The following MARCHF8 variants were observed in gnomAD, a reference collection of about 807,000 sequenced individuals.
MARCHF8 encodes E3 ubiquitin-protein ligase MARCHF8.
A neutral mutation model predicts 51.6 loss-of-function variants in MARCHF8; 40 were observed. That is an observed-to-expected ratio of 0.77 (90% CI 0.60 to 1.01). The LOEUF (loss-of-function observed/expected upper bound fraction) is 1.01. Among genes scored for constraint, MARCHF8 ranks in the 50% least tolerant of loss-of-function variants. The probability of loss-of-function intolerance (pLI) is 0.00; values close to 1 mark genes in which losing one functional copy is unlikely to be tolerated. For missense variants in MARCHF8, 685 were observed against 708.6 expected (o/e 0.97, Z 0.38); for synonymous variants, 263 against 280.3 (o/e 0.94, Z 0.62).
intron 1 of MARCHF8, among the ~76,000 whole-genome samples, chr10:45,550,028 C>CA (rs1165951960): frequency 6.6e-6 from 1 of 152,186 alleles, no homozygotes; most frequent in Non-Finnish European, 1.5e-5. Context: ...TGCAAACAGG[C>CA]AGAGCTGGGA....
chr10:45,462,521 T>C (rs544007998), intron 5 of MARCHF8, among the ~76,000 whole-genome samples: 1 of 152,310 alleles, frequency 6.6e-6, no homozygotes, highest in Admixed American at 6.5e-5. Context: ...CTGAAGATAC[T>C]AGTTTCTTTC....
intron 2 of MARCHF8, among the ~76,000 whole-genome samples, chr10:45,500,958 T>C (rs904699094): frequency 1.3e-5 from 2 of 151,876 alleles, no homozygotes; most frequent in African/African-American, 2.4e-5. Flanking sequence ...CTGAAGTATT[T>C]AGGTGCACAT....
chr10:45,581,648 G>A (rs1033038487), intron 1 of MARCHF8, among the ~76,000 whole-genome samples: 22 of 152,118 alleles, frequency 1.4e-4, no homozygotes, highest in African/African-American at 5.3e-4. Flanking sequence ...TGCCCAGACT[G>A]GTAAACATCT....
chr10:45,537,390 C>T (rs377303819), upstream of MARCHF8, among the ~76,000 whole-genome samples: 12 of 152,146 alleles, frequency 7.9e-5, no homozygotes, highest in African/African-American at 9.7e-5. Flanking sequence ...TGGTGGTTCG[C>T]GCCTATAACA....
chr10:45,488,260 T>G (rs1359004473), intron 3 of MARCHF8, among the ~76,000 whole-genome samples: 1 of 152,116 alleles, frequency 6.6e-6, no homozygotes, highest in African/African-American at 2.4e-5. Flanking sequence ...TAAGCAGATT[T>G]CAGGCGGCCA....
rs1337434916 is a variant in MARCHF8 at position 45,461,302 on chromosome 10, A to G, written c.1198T>C (p.Ser400Pro). ...CAGAGCTCGCAGCAGCGCGTGTCGGAGCTCTTGATCCACTGCTGCAGGCAG... is the reference window on the plus strand; with the variant it reads ...CAGAGCTCGCAGCAGCGCGTGTCGGGGCTCTTGATCCACTGCTGCAGGCAG... ...QACLQQWIKS[S>P]DTRCCELCKY... Residue 400 changes from serine to proline, a missense_variant, in exon 6 of 8, where the codon TCC (serine) becomes CCC (proline). Coordinates refer to ENST00000453424, the MANE Select transcript of MARCHF8 (RefSeq NM_001282866.2). 1 of 1,605,452 alleles carries G rather than the reference A, an allele frequency of 6.2e-7. No individual in the cohort carries two copies. Among genetic ancestry groups the G allele is most frequent in the Non-Finnish European group, 8.5e-7 (1 of 1,176,452 alleles).
At chr10:45,589,363 T>G (rs1054360308) in intron 1 of MARCHF8, among the ~76,000 whole-genome samples, 1 of 152,194 alleles carries the variant, frequency 6.6e-6, no homozygotes. Context: ...CCCTACCACC[T>G]AGGATTCTCC....
chr10:45,593,704 T>C (rs2133454264), intron 1 of MARCHF8: 1 of 152,292 alleles, frequency 6.6e-6, no homozygotes, highest in Middle Eastern at 3.4e-3. Flanking sequence ...CAAGGAAACA[T>C]GGAAAGAGAA....
chr10:45,461,456 C>A (rs1334966201), intron 5 of MARCHF8, 45 bp from the exon 6 acceptor site: 1 of 1,439,608 alleles, frequency 6.9e-7, no homozygotes, highest in Non-Finnish European at 9.2e-7. Flanking sequence ...AGTCCCATGA[C>A]AGGGAAGCTG....
chr10:45,543,494 T>C (rs1178276012), intron 1 of MARCHF8, among the ~76,000 whole-genome samples: 1 of 152,160 alleles, frequency 6.6e-6, no homozygotes, highest in Non-Finnish European at 1.5e-5. Flanking sequence ...GACAATCATA[T>C]ATCTGATAAA....
chr10:45,488,476 A>G (rs974979046), intron 3 of MARCHF8, among the ~76,000 whole-genome samples: 1 of 151,602 alleles, frequency 6.6e-6, no homozygotes. Flanking sequence ...CATCTGTTAC[A>G]GGGAGCCGAA....
chr10:45,558,393 T>C (rs758361063), intron 1 of MARCHF8, among the ~76,000 whole-genome samples: 1 of 152,160 alleles, frequency 6.6e-6, no homozygotes, highest in African/African-American at 2.4e-5. Context: ...ATTCACACTA[T>C]CCTACATAAA....
At chr10:45,490,469 A>G (rs528131706) in intron 2 of MARCHF8, among the ~76,000 whole-genome samples, 1 of 152,192 alleles carries the variant, frequency 6.6e-6, no homozygotes, top group Non-Finnish European at 1.5e-5. Context: ...CTACAAGCCA[A>G]GGAGAAACCA....
chr10:45,539,388 T>C (rs4949007), upstream of MARCHF8, among the ~76,000 whole-genome samples: 152,340 of 152,346 alleles, frequency 1, 76,167 homozygotes, highest in Middle Eastern at 1. Flanking sequence ...AATTGACACC[T>C]TAACATCACA....
intron 2 of MARCHF8, among the ~76,000 whole-genome samples, chr10:45,515,061 G>T (rs887236293): frequency 6.6e-6 from 1 of 152,190 alleles, no homozygotes; most frequent in Non-Finnish European, 1.5e-5. Context: ...CCTGGTTTCA[G>T]GCTATAAATA....
chr10:45,562,552 AAAGATGAAATCAAGAT>A (rs1187508615), intron 1 of MARCHF8, among the ~76,000 whole-genome samples: 1 of 152,230 alleles, frequency 6.6e-6, no homozygotes, highest in Non-Finnish European at 1.5e-5. Context: ...CTTCAAGAAC[AAAGATGAAATCAAGAT>A]ATTCCCAGCT....
chr10:45,494,281 G>A (rs1371879780), intron 2 of MARCHF8, among the ~76,000 whole-genome samples: 2 of 152,182 alleles, frequency 1.3e-5, no homozygotes, highest in Non-Finnish European at 2.9e-5. Context: ...AACTCACATA[G>A]ACCAAATACA....
intron 1 of MARCHF8, among the ~76,000 whole-genome samples, chr10:45,583,141 G>A (rs73289290): frequency 0.025 from 3,764 of 152,120 alleles, 158 homozygotes; most frequent in African/African-American, 0.085. Flanking sequence ...CTTTATGCTC[G>A]CTATTTTTAA....
At chr10:45,593,764 G>C (rs1317160025) in intron 1 of MARCHF8, 1 of 152,244 alleles carries the variant, frequency 6.6e-6, no homozygotes, top group Non-Finnish European at 1.5e-5. Flanking sequence ...AGTATGGTAT[G>C]TGAGGGTTAT....
Sources: gnomAD v4.1 joint callset for allele counts (sites outside exome capture counted in the v4.1 genomes callset) on GRCh38, gnomAD v4.1.1 for gene constraint, MANE v1.5 for transcripts, NCBI Gene and HGNC (gene_info 2026-07-23, HGNC 2026-07-21) for gene names.